The following PRKN variants were observed in gnomAD, a reference collection of about 807,000 sequenced individuals.
PRKN encodes parkin RBR E3 ubiquitin protein ligase.
In PRKN, 56 loss-of-function variants were observed where a neutral mutation model predicts 59.5. That is an observed-to-expected ratio of 0.94 (90% CI 0.76 to 1.18). The LOEUF (loss-of-function observed/expected upper bound fraction) is 1.18. Among genes scored for constraint, PRKN ranks in the 50% most tolerant of loss-of-function variants. The pLI is 0.00. For synonymous variants in PRKN, 250 were observed against 222.1 expected (o/e 1.13, Z -1.12); for missense variants, 657 against 596.4 (o/e 1.10, Z -1.06).
chr6:162,160,656 A>G (rs935127356), intron 4 of PRKN, among the ~76,000 whole-genome samples: 13 of 152,028 alleles, frequency 8.6e-5, no homozygotes, highest in Non-Finnish European at 1.3e-4. Flanking sequence ...TGTGTGAGAG[A>G]GAAAAAAAGA....
At chr6:161,775,878 G>A (rs775788016) in intron 7 of PRKN, among the ~76,000 whole-genome samples, 4 of 152,138 alleles carry the variant, frequency 2.6e-5, no homozygotes, top group Non-Finnish European at 4.4e-5. Context: ...GAAGCATAAC[G>A]GACTATAGTT....
intron 9 of PRKN, among the ~76,000 whole-genome samples, chr6:161,492,553 G>A: frequency 6.6e-6 from 1 of 152,198 alleles, no homozygotes; most frequent in East Asian, 1.9e-4. Context: ...TAAGATAGTT[G>A]AAATTTTGTA....
rs1562602229 is a variant in PRKN at position 162,235,958 on chromosome 6, G to GAAAAAGAAAGAAAGAAAGAAAGAA, written c.412+26566_412+26567insTTCTTTCTTTCTTTCTTTCTTTTT. On this transcript the variant is annotated intron_variant, in intron 3 of 11. Transcript: ENST00000366898. Reference sequence around the variant, plus strand: ...GGAAGGAAGGAAGGAAGGAAGAAAGGAAGAAAGAAAGAAAGAAAGAAAGAA... The same window carrying GAAAAAGAAAGAAAGAAAGAAAGAA: ...GGAAGGAAGGAAGGAAGGAAGAAAGGAAAAAGAAAGAAAGAAAGAAAGAAAAGAAAGAAAGAAAGAAAGAAAGAA... Among the ~76,000 whole-genome samples, 32 of 92,674 alleles carry GAAAAAGAAAGAAAGAAAGAAAGAA rather than the reference G, an allele frequency of 3.5e-4. 2 individuals are homozygous for GAAAAAGAAAGAAAGAAAGAAAGAA. The highest frequency in any genetic ancestry group is 9.2e-4 in the Admixed American group (8 of 8,688). 60.8% of individuals were successfully genotyped at this position (92,674 alleles called of 152,430 possible).
Position 162,213,791 on chromosome 6 carries a change from CA to C in PRKN, c.413-12540del, listed in dbSNP as rs941983978. On this transcript the variant is annotated intron_variant, in intron 3 of 11. Transcript: ENST00000366898. ...ATTATTACTATAGTAAAAATATTTC[CA>C]AAAAAAAACCATACACACACACACA... Among the ~76,000 whole-genome samples the C allele has an allele frequency of 1.6e-3, 200 of 125,636 alleles. 3 individuals carry two copies. The East Asian group carries it at 0.029, about 18-fold the overall frequency. 82.4% of individuals were successfully genotyped at this position (125,636 alleles called of 152,430 possible). A position where few individuals can be genotyped will look rare whatever the true frequency, so the allele number is the denominator to read the frequency against.
At chr6:161,620,415 C>T (rs774409354) in intron 7 of PRKN, among the ~76,000 whole-genome samples, 1 of 152,106 alleles carries the variant, frequency 6.6e-6, no homozygotes. Flanking sequence ...AAATGAATGA[C>T]GTTAAGGAAT....
chr6:162,593,361 A>G (rs1013653342), intron 1 of PRKN, among the ~76,000 whole-genome samples: 12 of 152,326 alleles, frequency 7.9e-5, no homozygotes, highest in African/African-American at 2.9e-4. Context: ...GTGCTTTTGA[A>G]AAGAACCTGA....
chr6:161,957,797 C>T (rs1024086034), intron 6 of PRKN, among the ~76,000 whole-genome samples: 2 of 152,148 alleles, frequency 1.3e-5, no homozygotes, highest in Non-Finnish European at 2.9e-5. Flanking sequence ...GACACCACTC[C>T]AGACCACCAG....
chr6:162,133,166 T>C (rs974535979), intron 4 of PRKN, among the ~76,000 whole-genome samples: 7 of 152,168 alleles, frequency 4.6e-5, no homozygotes, highest in Admixed American at 4.6e-4. Flanking sequence ...GAGAACATTC[T>C]AGACATTGAA....
intron 7 of PRKN, among the ~76,000 whole-genome samples, chr6:161,681,528 A>G (rs187257992): frequency 8.5e-5 from 13 of 152,296 alleles, no homozygotes; most frequent in Admixed American, 7.2e-4. Context: ...ACAAGTAACA[A>G]TAAATTTAAA....
intron 4 of PRKN, among the ~76,000 whole-genome samples, chr6:162,188,429 A>G (rs543108593): frequency 1.3e-4 from 20 of 152,208 alleles, no homozygotes; most frequent in African/African-American, 4.6e-4. Flanking sequence ...GAACACCAAC[A>G]TCATTCCACA....
chr6:162,574,070 G>T (rs1780457133), intron 1 of PRKN, among the ~76,000 whole-genome samples: 1 of 152,098 alleles, frequency 6.6e-6, no homozygotes, highest in African/African-American at 2.4e-5. Flanking sequence ...GGCTATCTTG[G>T]GTCCCAGTCC....
intron 7 of PRKN, among the ~76,000 whole-genome samples, chr6:161,628,973 C>A (rs994681113): frequency 8.5e-5 from 13 of 152,130 alleles, no homozygotes; most frequent in Non-Finnish European, 2.9e-5. Context: ...TAATTGATAT[C>A]TTGTAAGTGG....
chr6:161,461,579 C>G lies in PRKN; in HGVS notation c.1084-74702G>C, dbSNP rs1298693625. On this transcript the variant is annotated intron_variant, in intron 9 of 11. Coordinates refer to ENST00000366898, the MANE Select transcript of PRKN (RefSeq NM_004562.3). The surrounding 1 kb of genome is among the most constrained non-coding windows in gnomAD (Gnocchi z 5.1). ...GGTGGATGCAGGAATCACTGGCCTT[C>G]TGGAATCAATCAGTTATCAGTCAGC... Among the ~76,000 whole-genome samples the G allele has an allele frequency of 6.6e-6, 1 of 151,984 alleles. No homozygotes were observed. Among genetic ancestry groups the G allele is most frequent in the Non-Finnish European group, 1.5e-5 (1 of 68,008 alleles).
intron 2 of PRKN, among the ~76,000 whole-genome samples, chr6:162,291,961 GT>G (rs10550090): frequency 0.47 from 61,404 of 129,288 alleles, 14,990 homozygotes; most frequent in East Asian, 0.87. Context: ...TATTATTATT[GT>G]TTTTTTTTTT....
chr6:161,412,116 C>CTT (rs1787591910), intron 9 of PRKN, among the ~76,000 whole-genome samples: 1 of 149,246 alleles, frequency 6.7e-6, no homozygotes, highest in African/African-American at 2.5e-5. Flanking sequence ...CTCATTCCTC[C>CTT]ACTCACTCAT....
At chr6:161,598,433 C>G (rs1016601401) in intron 7 of PRKN, among the ~76,000 whole-genome samples, 1 of 152,214 alleles carries the variant, frequency 6.6e-6, no homozygotes, top group African/African-American at 2.4e-5. Context: ...GAGAGATCAC[C>G]GTGAGTTATC....
intron 3 of PRKN, among the ~76,000 whole-genome samples, chr6:162,218,206 C>T (rs199668666): frequency 6.6e-6 from 1 of 152,182 alleles, no homozygotes; most frequent in East Asian, 1.9e-4. Flanking sequence ...CTGACCAGGC[C>T]GCTCCCTGCG....
chr6:162,311,481 CTTTTTTT>C (rs397886856), intron 2 of PRKN, among the ~76,000 whole-genome samples: 11 of 128,536 alleles, frequency 8.6e-5, no homozygotes, highest in Non-Finnish European at 1.3e-4. Flanking sequence ...AATTTTTTTC[CTTTTTTT>C]TTTTTTTTTT....
At chr6:162,650,543 A>G (rs1778385130) in intron 1 of PRKN, among the ~76,000 whole-genome samples, 1 of 144,384 alleles carries the variant, frequency 6.9e-6, no homozygotes, top group African/African-American at 2.6e-5. Flanking sequence ...GCTTGCAGTG[A>G]GCCGAGATCC....
Sources: allele counts gnomAD v4.1 joint callset (sites outside exome capture counted in the v4.1 genomes callset), GRCh38; gene constraint gnomAD v4.1.1; non-coding constraint Gnocchi (gnomAD v3.1); transcripts MANE v1.5; gene names NCBI Gene and HGNC (gene_info 2026-07-23, HGNC 2026-07-21).